SYT2: variants seen among roughly 807,000 people sequenced by gnomAD.
SYT2 encodes synaptotagmin 2.
Under a neutral mutation model 39.9 loss-of-function variants are expected in SYT2, and 15 were observed. That is an observed-to-expected ratio of 0.38 (90% CI 0.25 to 0.58). The LOEUF is 0.58. Among genes scored for constraint, SYT2 ranks in the 20% least tolerant of loss-of-function variants. The probability of loss-of-function intolerance (pLI) is 0.70; values close to 1 mark genes in which losing one functional copy is unlikely to be tolerated. For synonymous variants in SYT2, 181 were observed against 204.5 expected, an observed-to-expected ratio of 0.89 and a Z score of 0.98; for missense variants, 389 against 530.3, an observed-to-expected ratio of 0.73 and a Z score of 2.62.
chr1:202,630,481 A>G (rs1325792515), intron 1 of SYT2: 4 of 851,586 alleles, frequency 4.7e-6, no homozygotes, highest in Non-Finnish European at 5.7e-6. Context: ...AGCAGCAGGG[A>G]GCCAAGGTTT....
At chr1:202,688,845 A>G (rs1485107696) in intron 1 of SYT2, among the ~76,000 whole-genome samples, 1 of 152,216 alleles carries the variant, frequency 6.6e-6, no homozygotes, top group African/African-American at 2.4e-5. Flanking sequence ...TTCTTAAAGT[A>G]GAGATGTCCC....
rs560906842 is a variant in SYT2, at chr1:202,634,289, G to A, written c.-17-28500C>T. ...TTCCAGCACTTTGGGAGGCCGAGGC[G>A]GGTGGATCACCCGATGTCAGGAGTT... On this transcript the variant is annotated intron_variant, in intron 1 of 8. Transcript: ENST00000367268. Among the ~76,000 whole-genome samples, 14 of 152,284 alleles carry A rather than the reference G, an allele frequency of 9.2e-5. No individual in the cohort carries two copies. In the South Asian group the frequency reaches 1.7e-3, roughly 18 times the overall value.
At chr1:202,644,299 TCTGCCA>T (rs768797461) in intron 1 of SYT2, among the ~76,000 whole-genome samples, 6 of 152,138 alleles carry the variant, frequency 3.9e-5, no homozygotes, top group Non-Finnish European at 8.8e-5. Context: ...GCAGAAGGGC[TCTGCCA>T]CGGACCCGAC....
intron 1 of SYT2, among the ~76,000 whole-genome samples, chr1:202,658,152 C>T (rs963221001): frequency 1.3e-5 from 2 of 152,048 alleles, no homozygotes; most frequent in African/African-American, 4.8e-5. Context: ...CCTTTCGGCT[C>T]TGATATTCCA....
Position 202,601,060 on chromosome 1 carries a change from C to T in SYT2, c.802-586G>A, listed in dbSNP as rs1442276053. On this transcript the variant is annotated intron_variant, in intron 6 of 8. Transcript: ENST00000367268. This position sits in a 1 kb window ranked among gnomAD's most constrained non-coding sequence, Gnocchi z 4.0. ...CTTTGATGTAAACAAGACAAGAATT[C>T]TTTGTAACCAATGAGAAACTGAGGT... Among the ~76,000 whole-genome samples the T allele has an allele frequency of 6.6e-6, 1 of 152,172 alleles. No individual in the cohort carries two copies. The highest frequency in any genetic ancestry group is 2.1e-4 in the South Asian group (1 of 4,826).
At chr1:202,692,172 TGCTCTGACCTGACATAGAGAAGCCTTG>T (rs1653853771) in intron 1 of SYT2, among the ~76,000 whole-genome samples, 1 of 152,140 alleles carries the variant, frequency 6.6e-6, no homozygotes, top group South Asian at 2.1e-4. Flanking sequence ...TCTGGTACCC[TGCTCTGACCTGACATAGAGAAGCCTTG>T]GCTCTCCCCT....
intron 1 of SYT2, among the ~76,000 whole-genome samples, chr1:202,606,034 G>A (rs570616541): frequency 2.0e-5 from 3 of 152,050 alleles, no homozygotes; most frequent in Admixed American, 6.5e-5. Flanking sequence ...GGGCTGAAGT[G>A]ATAGAGGATC....
chr1:202,672,811 G>A lies in SYT2; in HGVS notation c.-18+37447C>T, dbSNP rs1229642178. Among the ~76,000 whole-genome samples the A allele has an allele frequency of 9.6e-5, 13 of 135,044 alleles. No homozygotes were observed. The East Asian group carries it at 2.9e-3, about 30-fold the overall frequency. The allele number at this position is 135,044 out of a possible 152,430, so 88.6% of individuals were successfully genotyped here. ...AGAGAGAGGCTAAGGCAACACTTGA[G>A]GAGAGAAAGGCAGAAGATACCCAGA... On this transcript the variant is annotated intron_variant, in intron 1 of 8. Transcript: ENST00000367268.
At position 202,600,415 on chromosome 1, in the gene SYT2, G is replaced by A. The variant is rs1323527553; in HGVS notation, c.861C>T (p.Leu287=). Residue 287 remains leucine, a synonymous_variant, in exon 7 of 9, where the codon CTC becomes CTT. Coordinates refer to ENST00000367268, the MANE Select transcript of SYT2 (RefSeq NM_177402.5). The part of the protein sequence containing the change: ...SLRYVPTAGK[L]TVCILEAKNL... ...TCTTAGCCTCCAGGATGCAGACAGT[G>A]AGCTTCCCGGCCGTGGGCACATAGC... 6.2e-7 allele frequency: 1 copy of A among 1,614,114 alleles called. No homozygotes were observed. The highest frequency in any genetic ancestry group is 1.3e-5 in the African/African-American group (1 of 74,942).
At chr1:202,625,166 T>A in intron 1 of SYT2, among the ~76,000 whole-genome samples, 1 of 6,972 alleles carries the variant, frequency 1.4e-4, no homozygotes, top group Non-Finnish European at 3.1e-4. Context: ...TGTGTCTGTG[T>A]GGTGTGTGTG....
At chr1:202,631,120 C>G (rs77494660) in intron 1 of SYT2, among the ~76,000 whole-genome samples, 18,971 of 152,216 alleles carry the variant, frequency 0.12, 1,681 homozygotes, top group African/African-American at 0.24. Context: ...GAGTAAGGAG[C>G]CTGCCTCCCA....
At chr1:202,618,400 A>AGTGTGTGT (rs57621822) in intron 1 of SYT2, among the ~76,000 whole-genome samples, 8,006 of 148,784 alleles carry the variant, frequency 0.054, 602 homozygotes, top group African/African-American at 0.17. Flanking sequence ...GTCTGGTGTG[A>AGTGTGTGT]GTGTGTGTGT....
chr1:202,641,201 T>C (rs1691908331), intron 1 of SYT2, among the ~76,000 whole-genome samples: 1 of 152,220 alleles, frequency 6.6e-6, no homozygotes. Context: ...TCCAGGGGTG[T>C]GCCTGGCTTT....
chr1:202,642,453 A>G (rs1691942811), intron 1 of SYT2, among the ~76,000 whole-genome samples: 2 of 151,976 alleles, frequency 1.3e-5, no homozygotes, highest in African/African-American at 4.8e-5. Flanking sequence ...CCAAGGTCAC[A>G]CAGCAAACTG....
chr1:202,610,850 C>T (rs997878176), intron 1 of SYT2, among the ~76,000 whole-genome samples: 3 of 152,096 alleles, frequency 2.0e-5, no homozygotes, highest in Admixed American at 6.5e-5. Flanking sequence ...AAGAACATTC[C>T]ATGCTCATGG....
chr1:202,603,244 A>G lies in SYT2; in HGVS notation c.346-126T>C, dbSNP rs1690580829. The G allele has an allele frequency of 5.1e-5, 69 of 1,339,888 alleles. No homozygotes were observed. The South Asian group carries it at 8.0e-4, about 16-fold the overall frequency. 83.0% of individuals were successfully genotyped at this position (1,339,888 alleles called of 1,614,324 possible). On this transcript the variant is annotated intron_variant, in intron 3 of 8. Coordinates refer to ENST00000367268, the MANE Select transcript of SYT2 (RefSeq NM_177402.5). The stretch of plus-strand genomic sequence containing the variant: ...CTGACTCAGAGCTGTGTGTGGTGGG[A>G]ACACAAGAGGGAACGTGGCCCTGCC...
chr1:202,624,855 TAGGGTGTGTG>T, intron 1 of SYT2, among the ~76,000 whole-genome samples: 1 of 29,934 alleles, frequency 3.3e-5, no homozygotes, highest in South Asian at 9.1e-4. Context: ...TGGTGTGTAG[TAGGGTGTGTG>T]GTGTGTGTGT....
intron 1 of SYT2, among the ~76,000 whole-genome samples, chr1:202,626,026 T>C (rs1214810813): frequency 6.6e-6 from 1 of 152,190 alleles, no homozygotes; most frequent in Non-Finnish European, 1.5e-5. Flanking sequence ...TGTGAACACA[T>C]ATGCAAACAT....
intron 1 of SYT2, among the ~76,000 whole-genome samples, chr1:202,635,630 T>C (rs1475414488): frequency 6.6e-6 from 1 of 152,184 alleles, no homozygotes; most frequent in African/African-American, 2.4e-5. Flanking sequence ...CAGACATTTC[T>C]AAGGCCATTT....
Sources: allele counts gnomAD v4.1 joint callset (sites outside exome capture counted in the v4.1 genomes callset), GRCh38; gene constraint gnomAD v4.1.1; non-coding constraint Gnocchi (gnomAD v3.1); transcripts MANE v1.5; gene names NCBI Gene and HGNC (gene_info 2026-07-23, HGNC 2026-07-21).